The following ATP2C2 variants were observed in gnomAD, a reference collection of about 807,000 sequenced individuals.
ATP2C2 encodes the protein ATPase secretory pathway Ca2+ transporting 2, also known as calcium-transporting ATPase type 2C member 2.
In ATP2C2, 171 loss-of-function variants were observed where a neutral mutation model predicts 110.8. The observed-to-expected ratio is 1.54, with a 90% CI of 1.36 to 1.75. The LOEUF (loss-of-function observed/expected upper bound fraction) is 1.75. ATP2C2 is among the 40% of genes most tolerant of loss of function. The pLI is 0.00. For missense variants in ATP2C2, 1,963 were observed against 1,235.0 expected, an observed-to-expected ratio of 1.59 and a Z score of -8.84; for synonymous variants, 804 against 508.4, an observed-to-expected ratio of 1.58 and a Z score of -7.82.
chr16:84,398,681 C>T (rs1905137545), intron 2 of ATP2C2, 72 bp downstream of exon 2: 1 of 1,188,096 alleles, frequency 8.4e-7, no homozygotes. Context: ...ACACAAAGCC[C>T]TGAACAGTGC....
At chr16:84,435,920 G>A (rs1416508689) in intron 11 of ATP2C2, among the ~76,000 whole-genome samples, 1 of 152,224 alleles carries the variant, frequency 6.6e-6, no homozygotes, top group Non-Finnish European at 1.5e-5. Flanking sequence ...CTTGAGGCCA[G>A]GAGTTCAAGA....
At position 84,463,953 on chromosome 16, in the gene ATP2C2, C is replaced by T; in HGVS notation, c.*221C>T. 3.8e-6 allele frequency: 2 copies of T among 532,378 alleles called. No homozygotes were observed. The highest frequency in any genetic ancestry group is 6.7e-6 in the Non-Finnish European group (2 of 297,270). The allele number at this position is 532,378 out of a possible 1,614,324, so 33.0% of individuals were successfully genotyped here. On this transcript the variant is annotated 3_prime_UTR_variant, in exon 27 of 27. Transcript: ENST00000262429. ...TGGCTGTGGGACAGACAGGGAGGGG[C>T]CTGTACAGAAACACCACACTGTTTA... is the stretch of plus-strand genomic sequence containing the variant.
At chr16:84,396,377 C>G (rs1904977765) in intron 1 of ATP2C2, among the ~76,000 whole-genome samples, 1 of 151,746 alleles carries the variant, frequency 6.6e-6, no homozygotes, top group African/African-American at 2.4e-5. Context: ...GAAAACCCGT[C>G]TCTACTAAAA....
At position 84,460,648 on chromosome 16, in the gene ATP2C2, G is replaced by A; in HGVS notation, c.2334-6G>A. On this transcript the variant is annotated splice_polypyrimidine_tract_variant and splice_region_variant and intron_variant, in intron 23 of 26. Transcript: ENST00000262429. Reference sequence around the variant, plus strand: ...TTTCAAAGTGTCTGTGTCTTGTTCGGAGCAGCTTGGGGGTAGAGCCCGTTG... The same window carrying A: ...TTTCAAAGTGTCTGTGTCTTGTTCGAAGCAGCTTGGGGGTAGAGCCCGTTG... 6.2e-7 allele frequency: 1 copy of A among 1,614,168 alleles called. No homozygotes were observed. Among genetic ancestry groups the A allele is most frequent in the Non-Finnish European group, 8.5e-7 (1 of 1,180,022 alleles).
intron 11 of ATP2C2, among the ~76,000 whole-genome samples, chr16:84,433,621 C>T (rs891883789): frequency 3.9e-5 from 6 of 151,966 alleles, no homozygotes; most frequent in African/African-American, 1.2e-4. Context: ...CACTGCACTC[C>T]AGCCTAGGGA....
Position 84,442,534 on chromosome 16 carries a change from G to A in ATP2C2, c.1336G>A (p.Val446Ile). ...VEAGCVANNA[V>I]IRKNAVMGQP... ...GGCGGGCTGTGTTGCCAACAATGCG[G>A]TCATCAGAAAGAACGCCGTGATGGG... The change falls in exon 15 of 27, where the codon GTC becomes ATC. Residue 446 changes from valine (V) to isoleucine (I), a missense_variant. Transcript: ENST00000262429. 1.2e-6 allele frequency: 2 copies of A among 1,614,092 alleles called. No individual in the cohort carries two copies. The highest frequency in any genetic ancestry group is 1.7e-6 in the Non-Finnish European group (2 of 1,179,950).
intron 6 of ATP2C2, among the ~76,000 whole-genome samples, chr16:84,411,190 C>G (rs1906253801): frequency 6.6e-6 from 1 of 152,136 alleles, no homozygotes; most frequent in South Asian, 2.1e-4. Context: ...AGAACATTGG[C>G]TGCAGCATAG....
At position 84,446,452 on chromosome 16, in the gene ATP2C2, C is replaced by A. The variant is rs764027058; in HGVS notation, c.1503+22C>A. 9 of 1,523,224 alleles carry A rather than the reference C, an allele frequency of 5.9e-6. 1 individual carries two copies. The highest frequency in any genetic ancestry group is 1.2e-5 in the South Asian group (1 of 80,660). The allele number at this position is 1,523,224 out of a possible 1,614,324, so 94.4% of individuals were successfully genotyped here. A position where few individuals can be genotyped will look rare whatever the true frequency, so the allele number is the denominator to read the frequency against. ...TGAGGTGAGACCTTTCAATCTTCAA[C>A]CTCTTCTCTCTTTCTGCCCGGGCCC... On this transcript the variant is annotated intron_variant, in intron 16 of 26. Coordinates refer to ENST00000262429, the MANE Select transcript of ATP2C2 (RefSeq NM_014861.4).
chr16:84,398,713 C>T (rs896954708), intron 2 of ATP2C2, 104 bp downstream of exon 2: 5 of 869,390 alleles, frequency 5.8e-6, no homozygotes, highest in African/African-American at 3.5e-5. Flanking sequence ...GTGTTATTAT[C>T]AATTTTATCA....
At chr16:84,389,971 C>T (rs2151407579) in intron 1 of ATP2C2, among the ~76,000 whole-genome samples, 1 of 152,304 alleles carries the variant, frequency 6.6e-6, no homozygotes, top group South Asian at 2.1e-4. Context: ...GATCCACCCA[C>T]CTCAGTCTCC....
Position 84,398,600 on chromosome 16 carries a change from A to G in ATP2C2, c.201A>G (p.Arg67=), listed in dbSNP as rs566961749. ...ACKCQKEDLA[R]AFCVDLHTGL... The stretch of plus-strand genomic sequence containing the variant: ...AATGCCAGAAAGAGGATTTGGCCAG[A>G]GCGTTTTGTGTAAGAATTGAATTTG... Residue 67 remains arginine, a synonymous_variant, in exon 2 of 27, where the codon AGA becomes AGG. Transcript: ENST00000262429. 96 of 1,609,472 alleles carry G rather than the reference A, an allele frequency of 6.0e-5. No individual in the cohort carries two copies. The highest frequency in any genetic ancestry group is 1.2e-4 in the South Asian group (11 of 90,502).
chr16:84,449,262 C>A lies in ATP2C2; in HGVS notation c.1660+573C>A, dbSNP rs1456194118. ...ACTGGCTCAGGAGCCTTGGTTTTCCCCTTCGGGGAACAGAGTTTGTAGGTT... is the reference window on the plus strand; with the variant it reads ...ACTGGCTCAGGAGCCTTGGTTTTCCACTTCGGGGAACAGAGTTTGTAGGTT... On this transcript the variant is annotated intron_variant, in intron 17 of 26. Coordinates refer to ENST00000262429, the MANE Select transcript of ATP2C2 (RefSeq NM_014861.4). Among the ~76,000 whole-genome samples, 11 of 152,210 alleles carry A rather than the reference C, an allele frequency of 7.2e-5. No homozygotes were observed. In the East Asian group the frequency reaches 1.9e-3, roughly 27 times the overall value.
chr16:84,454,777 G>T (rs771001893), intron 20 of ATP2C2, 41 bp from the exon 21 acceptor site: 1 of 1,531,406 alleles, frequency 6.5e-7, no homozygotes, highest in African/African-American at 1.4e-5. Context: ...CTGGGAGGTG[G>T]TCGTCAGGCT....
chr16:84,440,268 G>T (rs11149656), intron 13 of ATP2C2, among the ~76,000 whole-genome samples: 1 of 152,108 alleles, frequency 6.6e-6, no homozygotes, highest in African/African-American at 2.4e-5. Flanking sequence ...AAGTCCTTGC[G>T]TGTTTTTCAG....
intron 6 of ATP2C2, among the ~76,000 whole-genome samples, chr16:84,411,199 A>AG (rs971481992): frequency 3.3e-5 from 5 of 152,168 alleles, no homozygotes; most frequent in Admixed American, 2.6e-4. Flanking sequence ...GCTGCAGCAT[A>AG]GGGTATAGGA....
At chr16:84,416,720 G>C (rs1201138709) in intron 7 of ATP2C2, among the ~76,000 whole-genome samples, 1 of 152,150 alleles carries the variant, frequency 6.6e-6, no homozygotes, top group Admixed American at 6.5e-5. Flanking sequence ...GCTCAGGCTG[G>C]TGCCCTCTGT....
Position 84,422,629 on chromosome 16 carries a change from G to C in ATP2C2, c.775G>C (p.Gly259Arg), listed in dbSNP as rs762952766. The C allele has an allele frequency of 1.9e-6, 3 of 1,613,080 alleles. No individual in the cohort carries two copies. The highest frequency in any genetic ancestry group is 1.1e-5 in the South Asian group (1 of 90,968). Residue 259 changes from glycine to arginine, a missense_variant and splice_region_variant, in exon 9 of 27, where the codon GGG (glycine) becomes CGG (arginine). Physicochemically the swap from Gly to Arg is moderately radical, Grantham distance 125 (BLOSUM62 -2). Transcript: ENST00000262429. ...GTLVQYGRGQGVVIGTGESSQ... is the reference protein window; with the variant it reads ...GTLVQYGRGQRVVIGTGESSQ... ...ATACTTCTCTCTCTCCTGGACACAG[G>C]GGGTCGTGATTGGAACAGGGGAAAG... is the stretch of plus-strand genomic sequence containing the variant.
intron 1 of ATP2C2, among the ~76,000 whole-genome samples, chr16:84,376,849 G>T (rs1360366977): frequency 6.6e-6 from 1 of 152,210 alleles, no homozygotes; most frequent in East Asian, 1.9e-4. Context: ...CCTGCACGGG[G>T]ATCTCTGTGC....
chr16:84,430,542 A>G (rs1265263845), intron 11 of ATP2C2, among the ~76,000 whole-genome samples: 1 of 151,194 alleles, frequency 6.6e-6, no homozygotes, highest in African/African-American at 2.4e-5. Context: ...TGGGGGGCAG[A>G]GGCAAGAGAA....
Sources: allele counts gnomAD v4.1 joint callset (sites outside exome capture counted in the v4.1 genomes callset), GRCh38; gene constraint gnomAD v4.1.1; transcripts MANE v1.5; gene names NCBI Gene and HGNC (gene_info 2026-07-23, HGNC 2026-07-21).